Variants in KHDRBS2 observed in about 807,000 individuals in gnomAD.
KHDRBS2 encodes KH RNA binding domain containing, signal transduction associated 2.
A neutral mutation model predicts 44.3 loss-of-function variants in KHDRBS2; 26 were observed. That is an observed-to-expected ratio of 0.59 (90% confidence interval 0.43 to 0.81). The LOEUF is 0.81. Among genes scored for constraint, KHDRBS2 ranks in the 40% least tolerant of loss-of-function variants. The pLI, the probability that KHDRBS2 is intolerant of heterozygous loss-of-function variation, is 0.00. For synonymous variants in KHDRBS2, 194 were observed against 151.1 expected, an observed-to-expected ratio of 1.28 and a Z score of -2.08; for missense variants, 476 against 433.1, an observed-to-expected ratio of 1.10 and a Z score of -0.88.
At chr6:61,550,841 C>T in the KHDRBS2 span, among the ~76,000 whole-genome samples, 1 of 139,066 alleles carries the variant, frequency 7.2e-6, no homozygotes, top group African/African-American at 2.8e-5. Context: ...TGCATGATCT[C>T]GGCTCACTGC....
intron 1 of KHDRBS2, among the ~76,000 whole-genome samples, chr6:62,237,872 C>G (rs1475408721): frequency 6.6e-6 from 1 of 151,994 alleles, no homozygotes; most frequent in African/African-American, 2.4e-5. Context: ...AAGTCCTTCT[C>G]TACTAAAGAT....
At chr6:62,186,950 T>C (rs1184322789) in intron 1 of KHDRBS2, among the ~76,000 whole-genome samples, 3 of 152,140 alleles carry the variant, frequency 2.0e-5, no homozygotes, top group Admixed American at 6.6e-5. Context: ...CTAAGTTAAA[T>C]ACACATAGAT....
At chr6:61,974,459 C>T (rs1772084401) in intron 4 of KHDRBS2, among the ~76,000 whole-genome samples, 1 of 152,060 alleles carries the variant, frequency 6.6e-6, no homozygotes, top group Non-Finnish European at 1.5e-5. Context: ...ATTTTATATC[C>T]TGTTTCTCGT....
chr6:62,110,590 C>A (rs1804771366), intron 2 of KHDRBS2, among the ~76,000 whole-genome samples: 1 of 152,030 alleles, frequency 6.6e-6, no homozygotes, highest in South Asian at 2.1e-4. Flanking sequence ...AGTCAGACTC[C>A]TCCAGAGTCC....
chr6:62,149,966 C>T (rs1477332297), intron 2 of KHDRBS2, among the ~76,000 whole-genome samples: 1 of 152,040 alleles, frequency 6.6e-6, no homozygotes, highest in Non-Finnish European at 1.5e-5. Context: ...GTTTTAATGT[C>T]TAGATCACAA....
At chr6:61,784,025 A>C (rs1783420944) in intron 6 of KHDRBS2, among the ~76,000 whole-genome samples, 2 of 152,108 alleles carry the variant, frequency 1.3e-5, no homozygotes, top group South Asian at 2.1e-4. Context: ...CTGTCAAGTA[A>C]GTTTTCTTTA....
intron 7 of KHDRBS2, among the ~76,000 whole-genome samples, chr6:61,722,147 T>A (rs1468234533): frequency 6.6e-6 from 1 of 152,200 alleles, no homozygotes; most frequent in Admixed American, 6.5e-5. Flanking sequence ...TCATGGTGGA[T>A]AAGCTTTTTG....
At chr6:61,967,005 T>C (rs1314905938) in intron 4 of KHDRBS2, among the ~76,000 whole-genome samples, 2 of 151,240 alleles carry the variant, frequency 1.3e-5, no homozygotes, top group Admixed American at 6.6e-5. Context: ...GATAGTTTTA[T>C]ACACTGAGAT....
At chr6:61,684,009 T>G (rs1290324011) in intron 8 of KHDRBS2, among the ~76,000 whole-genome samples, 1 of 151,984 alleles carries the variant, frequency 6.6e-6, no homozygotes, top group Non-Finnish European at 1.5e-5. Context: ...TTACATGTTC[T>G]TGGTAACAAT....
chr6:62,261,561 A>G (rs1838349789), intron 1 of KHDRBS2, among the ~76,000 whole-genome samples: 1 of 151,900 alleles, frequency 6.6e-6, no homozygotes, highest in Non-Finnish European at 1.5e-5. Context: ...CTTCTAAATA[A>G]GAGACAGATG....
intron 7 of KHDRBS2, among the ~76,000 whole-genome samples, chr6:61,699,282 TAA>T (rs1477336108): frequency 9.2e-5 from 14 of 151,998 alleles, no homozygotes; most frequent in African/African-American, 3.4e-4. Flanking sequence ...AAGAGAAATT[TAA>T]TTTAATTTAA....
At chr6:61,650,858 T>A in the KHDRBS2 span, among the ~76,000 whole-genome samples, 1 of 152,228 alleles carries the variant, frequency 6.6e-6, no homozygotes, top group East Asian at 1.9e-4. Flanking sequence ...GGGGTAAGAA[T>A]TAGAAAGAAA....
intron 6 of KHDRBS2, among the ~76,000 whole-genome samples, chr6:61,829,215 G>T (rs1464575087): frequency 6.6e-6 from 1 of 152,232 alleles, no homozygotes; most frequent in African/African-American, 2.4e-5. Flanking sequence ...AGGTTGGAGT[G>T]CAGTGGTGCA....
chr6:61,856,420 G>A (rs1796160651), intron 6 of KHDRBS2, among the ~76,000 whole-genome samples: 1 of 152,114 alleles, frequency 6.6e-6, no homozygotes, highest in South Asian at 2.1e-4. Context: ...ACTCAGAGCA[G>A]AGGGTGGAGT....
chr6:61,996,318 A>T (rs944528871), intron 3 of KHDRBS2, among the ~76,000 whole-genome samples: 1 of 152,236 alleles, frequency 6.6e-6, no homozygotes, highest in Non-Finnish European at 1.5e-5. Context: ...CTCAGAGATT[A>T]GCCAAATGAG....
chr6:61,974,930 T>TA (rs1273754832), intron 4 of KHDRBS2, among the ~76,000 whole-genome samples: 1 of 115,052 alleles, frequency 8.7e-6, no homozygotes, highest in East Asian at 2.5e-4. Context: ...GACTCCATCT[T>TA]AAAAAATAAA....
At chr6:61,548,865 C>A in the KHDRBS2 span, among the ~76,000 whole-genome samples, 5 of 152,060 alleles carry the variant, frequency 3.3e-5, no homozygotes, top group Admixed American at 2.6e-4. Context: ...TTGGAGTTGG[C>A]CACTACCACT....
At chr6:61,804,615 C>A (rs947793195) in intron 6 of KHDRBS2, among the ~76,000 whole-genome samples, 1 of 152,240 alleles carries the variant, frequency 6.6e-6, no homozygotes, top group African/African-American at 2.4e-5. Context: ...CATTTCCATA[C>A]ATCCTCTGAA....
At chr6:61,915,070 T>C (rs1234547653) in intron 4 of KHDRBS2, among the ~76,000 whole-genome samples, 3 of 151,980 alleles carry the variant, frequency 2.0e-5, no homozygotes, top group African/African-American at 7.2e-5. Flanking sequence ...GAGTGGACAG[T>C]AGAAGGGTGT....
Sources: gnomAD v4.1 joint callset for allele counts (sites outside exome capture counted in the v4.1 genomes callset) on GRCh38, gnomAD v4.1.1 for gene constraint, MANE v1.5 for transcripts, NCBI Gene and HGNC (gene_info 2026-07-23, HGNC 2026-07-21) for gene names.